Variants in SALL1 observed in about 807,000 individuals in gnomAD.
SALL1 encodes the protein sal-like protein 1.
In SALL1, 10 loss-of-function variants were observed where a neutral mutation model predicts 73.1. The ratio of observed to expected loss-of-function variants is 0.14; its 90% CI spans 0.08 to 0.23. SALL1 has a LOEUF of 0.23. Ranked by LOEUF, SALL1 falls within the 10% of genes least tolerant of loss-of-function variation. The pLI, the probability that SALL1 is intolerant of heterozygous loss-of-function variation, is 1.00. For missense variants in SALL1, 1,520 were observed against 1,697.3 expected (o/e 0.90, Z 1.84); for synonymous variants, 688 against 689.8 (o/e 1.00, Z 0.04).
Position 51,139,946 on chromosome 16 carries a change from A to G in SALL1, c.2276T>C (p.Met759Thr). The change falls in exon 2 of 3, where the codon ATG becomes ACG. Residue 759 changes from methionine (M) to threonine (T), a missense_variant. Physicochemically the swap from Met to Thr is moderately conservative, Grantham distance 81 (BLOSUM62 -1). This residue lies in a region of SALL1 where 77 missense variants were observed against 117.2 expected (regional missense o/e 0.66). Coordinates refer to ENST00000251020, the MANE Select transcript of SALL1 (RefSeq NM_002968.3). Reference sequence around the variant, plus strand: ...GGAATGCTGGACTCTGAGCGGGGGCATAGCACGATGGACACTGTAGTGGGT... The same window carrying G: ...GGAATGCTGGACTCTGAGCGGGGGCGTAGCACGATGGACACTGTAGTGGGT... ...LKTHYSVHRAMPPLRVQHSCP... is the reference protein window; with the variant it reads ...LKTHYSVHRATPPLRVQHSCP... 6.2e-7 allele frequency: 1 copy of G among 1,614,228 alleles called. No individual in the cohort carries two copies. Among genetic ancestry groups the G allele is most frequent in the Non-Finnish European group, 8.5e-7 (1 of 1,180,048 alleles).
upstream of SALL1, among the ~76,000 whole-genome samples, chr16:51,151,751 C>G (rs1035558548): frequency 4.6e-5 from 7 of 151,774 alleles, no homozygotes; most frequent in East Asian, 2.0e-4. Flanking sequence ...TTCGCCCCCC[C>G]CCACAATCCC....
intron 1 of SALL1, among the ~76,000 whole-genome samples, chr16:51,145,455 A>G (rs563704887): frequency 1.3e-5 from 2 of 152,192 alleles, no homozygotes; most frequent in Admixed American, 1.3e-4. Flanking sequence ...CAGATAGCAA[A>G]ATTTAAGAAG....
In SALL1 at chr16:51,143,640, A is replaced by G. The variant is rs376199557; in HGVS notation, c.77-1495T>C. ...GGTCAGCTGTTTGCTTTTTTGTAGTAAACATTTTTAAAAACTTGACTAGTT... is the reference window on the plus strand; with the variant it reads ...GGTCAGCTGTTTGCTTTTTTGTAGTGAACATTTTTAAAAACTTGACTAGTT... On this transcript the variant is annotated intron_variant, in intron 1 of 2. Transcript: ENST00000251020. 1.5e-3 allele frequency among the ~76,000 whole-genome samples: 236 copies of G among 152,342 alleles called. 2 individuals carry two copies. The South Asian group carries it at 0.028, about 18-fold the overall frequency.
At chr16:51,151,744 G>GC (rs111822648), upstream of SALL1, among the ~76,000 whole-genome samples, 14,965 of 146,614 alleles carry the variant, frequency 0.1, 1,136 homozygotes, top group African/African-American at 0.22. Context: ...TCCCTCCTTC[G>GC]CCCCCCCCCA....
At chr16:51,142,202 A>T in intron 1 of SALL1, 57 bp from the exon 2 acceptor site, 1 of 1,326,470 alleles carries the variant, frequency 7.5e-7, no homozygotes. Flanking sequence ...ACAGTCACCT[A>T]TGACTTAAAA....
At chr16:51,151,107 G>T in intron 1 of SALL1, 59 bp downstream of exon 1, 1 of 1,309,566 alleles carries the variant, frequency 7.6e-7, no homozygotes. Flanking sequence ...GAGTGGGTCC[G>T]AGTGTGCGTG....
intron 1 of SALL1, chr16:51,143,371 C>A (rs1005860020): frequency 1.9e-5 from 8 of 428,480 alleles, no homozygotes; most frequent in African/African-American, 1.2e-4. Flanking sequence ...GGAACACCAA[C>A]TTCTGTTGTA....
Position 51,139,215 on chromosome 16 carries a change from A to G in SALL1, c.3007T>C (p.Cys1003Arg), listed in dbSNP as rs1437959159. The G allele has an allele frequency of 6.2e-7, 1 of 1,614,198 alleles. No individual in the cohort carries two copies. The change falls in exon 2 of 3, where the codon TGT becomes CGT. Residue 1003 changes from cysteine to arginine, a missense_variant. Around this residue, in one of 7 missense-constraint regions of SALL1, gnomAD observed 266 missense variants for 275.1 expected, o/e 0.97. Coordinates refer to ENST00000251020, the MANE Select transcript of SALL1 (RefSeq NM_002968.3). ...RDRGKFKNTA[C>R]DICGKTFACQ... ...GCAAATGTTTTGCCACAAATGTCAC[A>G]AGCAGTGTTTTTAAATTTACCCCGG...
rs551229718 is a variant in SALL1, at chr16:51,137,258, C to A, written c.3829G>T (p.Gly1277Trp). The A allele has an allele frequency of 6.2e-7, 1 of 1,614,038 alleles. No homozygotes were observed. The highest frequency in any genetic ancestry group is 1.1e-5 in the South Asian group (1 of 91,056). The change falls in exon 3 of 3, where the codon GGG (glycine) becomes TGG (tryptophan). Residue 1277 changes from glycine to tryptophan, a missense_variant. By Grantham distance (184) the Gly-to-Trp change is radical. Coordinates refer to ENST00000251020, the MANE Select transcript of SALL1 (RefSeq NM_002968.3). ...LGSGNSSPVS[G>W]LTGNLERLQN... ...AGCCTCTCCAGGTTTCCCGTCAGCCCACTAACAGGTGAGCTGTTCCCACTG... is the reference window on the plus strand; with the variant it reads ...AGCCTCTCCAGGTTTCCCGTCAGCCAACTAACAGGTGAGCTGTTCCCACTG...
At position 51,141,560 on chromosome 16, in the gene SALL1, C is replaced by T. The variant is rs750444836; in HGVS notation, c.662G>A (p.Gly221Glu). ...GAGGGCTGGGACGGCCAGCTTGCCC[C>T]CAGAGGCCCCGCCGCACCTCGCTTC... ...SQEARCGGAS[G>E]GKLAVPALME... is the part of the protein sequence containing the mutation. Residue 221 changes from glycine (G) to glutamate (E), a missense_variant, in exon 2 of 3, where the codon GGG becomes GAG. Coordinates refer to ENST00000251020, the MANE Select transcript of SALL1 (RefSeq NM_002968.3). This position sits in a 1 kb window ranked among gnomAD's most constrained non-coding sequence, Gnocchi z 5.4. The T allele has an allele frequency of 2.0e-5, 32 of 1,614,032 alleles. No homozygotes were observed. In the East Asian group the frequency reaches 4.0e-4, roughly 20 times the overall value.
Position 51,137,500 on chromosome 16 carries a change from C to A in SALL1, c.3587G>T (p.Arg1196Leu). ...WNSTPARRGR[R>L]LSVDGPMTFL... The stretch of plus-strand genomic sequence containing the variant: ...TGTCATGGGGCCATCCACAGAGAGC[C>A]GCCGACCCCGTCGTGCAGGGGTGCT... The change falls in exon 3 of 3, where the codon CGG becomes CTG. Residue 1196 changes from arginine to leucine, a missense_variant. Around this residue, in one of 7 missense-constraint regions of SALL1, gnomAD observed 318 missense variants for 357.1 expected, o/e 0.89. Coordinates refer to ENST00000251020, the MANE Select transcript of SALL1 (RefSeq NM_002968.3). 6.2e-7 allele frequency: 1 copy of A among 1,613,806 alleles called. No homozygotes were observed. The highest frequency in any genetic ancestry group is 1.1e-5 in the South Asian group (1 of 91,042).
intron 1 of SALL1, among the ~76,000 whole-genome samples, chr16:51,144,556 A>T (rs2143459469): frequency 6.6e-6 from 1 of 152,358 alleles, no homozygotes; most frequent in South Asian, 2.1e-4. Flanking sequence ...ATTACAATGT[A>T]GTTGCTTCAA....
intron 1 of SALL1, among the ~76,000 whole-genome samples, chr16:51,144,583 T>C (rs183759011): frequency 1.0e-3 from 153 of 152,326 alleles, no homozygotes; most frequent in Non-Finnish European, 1.5e-3. Context: ...AGCACATCTG[T>C]GCTCACGATT....
Position 51,138,868 on chromosome 16 carries a change from T to C in SALL1, c.3354A>G (p.Thr1118=). 1 of 1,614,176 alleles carries C rather than the reference T, an allele frequency of 6.2e-7. No individual in the cohort carries two copies. ...GCAGAGCAGGGAGCAGAACTGGGGA[T>C]GTGGCAGAGGAAGACAGAGGCCCAG... ...VPSGPLSSSA[T]SPVLLPALPR... The change falls in exon 2 of 3, where the codon ACA becomes ACG. Residue 1118 remains threonine, a synonymous_variant. Coordinates refer to ENST00000251020, the MANE Select transcript of SALL1 (RefSeq NM_002968.3).
intron 1 of SALL1, chr16:51,149,091 T>C (rs1172203912): frequency 1.3e-5 from 2 of 152,142 alleles, no homozygotes; most frequent in Admixed American, 6.6e-5. Flanking sequence ...ACCTCAAAGC[T>C]CAAATAAACT....
chr16:51,151,095 G>C, intron 1 of SALL1, 71 bp downstream of exon 1: 2 of 1,152,470 alleles, frequency 1.7e-6, no homozygotes, highest in Admixed American at 2.4e-5. Flanking sequence ...CCAGCCGCGT[G>C]TGAGTGGGTC....
rs1397293561 is a variant in SALL1 at position 51,138,728 on chromosome 16, G to C, written c.3494C>G (p.Thr1165Ser). 6.2e-7 allele frequency: 1 copy of C among 1,614,188 alleles called. No homozygotes were observed. The change falls in exon 2 of 3, where the codon ACT becomes AGT. Residue 1165 changes from threonine (T) to serine (S), a missense_variant. Thr to Ser is a moderately conservative substitution (Grantham distance 58). Transcript: ENST00000251020. ...THTGEKPFAC[T>S]ICGRAFTTKG... is the part of the protein sequence containing the mutation. ...AGTCGTGAAAGCTCTTCCACAAATA[G>C]TGCAAGCAAAGGGTTTCTCTCCAGT...
At chr16:51,143,406 A>G (rs1368210507) in intron 1 of SALL1, 1 of 259,486 alleles carries the variant, frequency 3.9e-6, no homozygotes, top group African/African-American at 3.9e-5. Context: ...TCATCTACGA[A>G]GGCTGTGAAG....
At position 51,140,353 on chromosome 16, in the gene SALL1, T is replaced by C; in HGVS notation, c.1869A>G (p.Lys623=). 6.2e-7 allele frequency: 1 copy of C among 1,614,112 alleles called. No homozygotes were observed. The highest frequency in any genetic ancestry group is 8.5e-7 in the Non-Finnish European group (1 of 1,180,016). ...EGSTLPPSGG[K]SEESGMVTNS... ...TGGTGACCATGCCACTCTCTTCGCT[T>C]TTGCCACCAGAGGGTGGCAGAGTGG... The change falls in exon 2 of 3, where the codon AAA becomes AAG. Residue 623 remains lysine (K), a synonymous_variant. Transcript: ENST00000251020. The surrounding 1 kb of genome is among the most constrained non-coding windows in gnomAD (Gnocchi z 5.7).
Sources: gnomAD v4.1 joint callset for allele counts (sites outside exome capture counted in the v4.1 genomes callset) on GRCh38, gnomAD v4.1.1 for gene constraint, gnomAD v4.1.1 regional missense constraint, Gnocchi (gnomAD v3.1) non-coding constraint, MANE v1.5 for transcripts, NCBI Gene and HGNC (gene_info 2026-07-23, HGNC 2026-07-21) for gene names.